The following AKT3 variants were observed in gnomAD, a reference collection of about 807,000 sequenced individuals.
AKT3 encodes the protein AKT serine/threonine kinase 3, also known as RAC-gamma serine/threonine-protein kinase.
A neutral mutation model predicts 65.3 loss-of-function variants in AKT3; 15 were observed. The observed-to-expected ratio is 0.23, with a 90% CI of 0.15 to 0.35. The LOEUF is 0.35. Ranked by LOEUF, AKT3 falls within the 10% of genes least tolerant of loss-of-function variation. AKT3 has a pLI of 1.00. For synonymous variants in AKT3, 206 were observed against 183.8 expected (o/e 1.12, Z -0.98); for missense variants, 243 against 576.5 (o/e 0.42, Z 5.92).
chr1:243,706,472 T>C (rs1243606918), intron 2 of AKT3, among the ~76,000 whole-genome samples: 1 of 152,166 alleles, frequency 6.6e-6, no homozygotes, highest in Non-Finnish European at 1.5e-5. Context: ...TATACTAACA[T>C]CAATGCTCTA....
In AKT3 at chr1:243,698,040, G is replaced by A. The variant is rs916499808; in HGVS notation, c.47-2324C>T. 7.2e-5 allele frequency among the ~76,000 whole-genome samples: 11 copies of A among 152,052 alleles called. No homozygotes were observed. The South Asian group carries it at 1.9e-3, about 26-fold the overall frequency. On this transcript the variant is annotated intron_variant, in intron 2 of 13. Transcript: ENST00000673466. ...AAAAAGACGGCCCTAATATTAATAAGCACATGACTTAATAAGGCAATTTAT... is the reference window on the plus strand; with the variant it reads ...AAAAAGACGGCCCTAATATTAATAAACACATGACTTAATAAGGCAATTTAT...
intron 2 of AKT3, among the ~76,000 whole-genome samples, chr1:243,779,264 A>G (rs955065526): frequency 2.6e-5 from 4 of 152,124 alleles, no homozygotes; most frequent in African/African-American, 9.7e-5. Context: ...ACTTCCAGAA[A>G]CGAGAAGATA....
intron 2 of AKT3, among the ~76,000 whole-genome samples, chr1:243,704,781 C>G (rs1685686979): frequency 6.6e-6 from 1 of 152,076 alleles, no homozygotes; most frequent in African/African-American, 2.4e-5. Flanking sequence ...AATAACACAT[C>G]TTTACGTTTC....
At chr1:243,690,528 C>T (rs6686591) in intron 3 of AKT3, among the ~76,000 whole-genome samples, 118,437 of 151,998 alleles carry the variant, frequency 0.78, 47,100 homozygotes, top group Non-Finnish European at 0.86. Flanking sequence ...TACATTTCTA[C>T]AGCACTACAT....
At chr1:243,655,035 C>A (rs1176877007) in intron 4 of AKT3, among the ~76,000 whole-genome samples, 1 of 152,122 alleles carries the variant, frequency 6.6e-6, no homozygotes, top group African/African-American at 2.4e-5. Context: ...ATTCTCTCCT[C>A]TCCTTCTAAG....
intron 4 of AKT3, among the ~76,000 whole-genome samples, chr1:243,649,028 T>A (rs1429683344): frequency 6.6e-6 from 1 of 152,102 alleles, no homozygotes; most frequent in African/African-American, 2.4e-5. Flanking sequence ...TACAGGTATT[T>A]AAGGCTACAA....
chr1:243,813,108 C>A (rs1423445102), intron 2 of AKT3, among the ~76,000 whole-genome samples: 2 of 151,858 alleles, frequency 1.3e-5, no homozygotes, highest in Non-Finnish European at 2.9e-5. Context: ...AGCACACCAA[C>A]ATGGCACATG....
intron 2 of AKT3, among the ~76,000 whole-genome samples, chr1:243,699,225 C>G (rs566491222): frequency 6.6e-6 from 1 of 151,738 alleles, no homozygotes; most frequent in Admixed American, 6.6e-5. Context: ...TGCATCAAAC[C>G]CAAATTGCAT....
intron 13 of AKT3, among the ~76,000 whole-genome samples, chr1:243,492,846 A>T (rs1272717369): frequency 6.6e-6 from 1 of 152,020 alleles, no homozygotes; most frequent in Admixed American, 6.5e-5. Context: ...ACCTCAGGTG[A>T]TCTGCCCACC....
intron 2 of AKT3, among the ~76,000 whole-genome samples, chr1:243,791,105 A>C (rs12047209): frequency 0.13 from 20,214 of 152,168 alleles, 1,618 homozygotes; most frequent in East Asian, 0.31. Flanking sequence ...CAAATCTTCA[A>C]TTTGTAAGAA....
intron 2 of AKT3, among the ~76,000 whole-genome samples, chr1:243,747,307 T>C (rs1390291739): frequency 6.6e-6 from 1 of 152,210 alleles, no homozygotes; most frequent in African/African-American, 2.4e-5. Context: ...AAGTTTCATT[T>C]TGAAAGTTAT....
chr1:243,739,132 A>T lies in AKT3; in HGVS notation c.47-43416T>A, dbSNP rs528314456. 2.6e-5 allele frequency among the ~76,000 whole-genome samples: 4 copies of T among 152,340 alleles called. No individual in the cohort carries two copies. The South Asian group carries it at 8.3e-4, about 32-fold the overall frequency. ...AGCCTCTGAACTGGAATCTGGCCGG[A>T]GTAGTCCAATAAGACACATAATGTG... On this transcript the variant is annotated intron_variant, in intron 2 of 13. Coordinates refer to ENST00000673466, the MANE Select transcript of AKT3 (RefSeq NM_005465.7).
At chr1:243,676,286 C>A (rs1683504813) in intron 3 of AKT3, among the ~76,000 whole-genome samples, 1 of 152,112 alleles carries the variant, frequency 6.6e-6, no homozygotes, top group African/African-American at 2.4e-5. Context: ...AGACTCACAG[C>A]TGGAGGGATT....
At chr1:243,605,680 T>G (rs962440210) in intron 8 of AKT3, among the ~76,000 whole-genome samples, 5 of 152,240 alleles carry the variant, frequency 3.3e-5, no homozygotes, top group Admixed American at 3.3e-4. Context: ...AGGGCTGATT[T>G]TTCACAGCCA....
chr1:243,618,222 T>G (rs772656713), intron 6 of AKT3, among the ~76,000 whole-genome samples: 1 of 152,058 alleles, frequency 6.6e-6, no homozygotes, highest in Non-Finnish European at 1.5e-5. Flanking sequence ...AGTAAAGACG[T>G]ATGGAGGCAA....
chr1:243,523,764 C>T (rs776336640), intron 12 of AKT3, among the ~76,000 whole-genome samples: 34 of 152,280 alleles, frequency 2.2e-4, no homozygotes, highest in Non-Finnish European at 4.9e-4. Flanking sequence ...AAACACAACC[C>T]GCATCACATG....
At chr1:243,649,131 CTT>C (rs1166238380) in intron 4 of AKT3, among the ~76,000 whole-genome samples, 1 of 151,934 alleles carries the variant, frequency 6.6e-6, no homozygotes, top group Non-Finnish European at 1.5e-5. Flanking sequence ...TCTAATGGCT[CTT>C]GTGAGTTTTT....
chr1:243,574,134 T>C (rs1300429493), intron 8 of AKT3, among the ~76,000 whole-genome samples: 1 of 152,158 alleles, frequency 6.6e-6, no homozygotes, highest in East Asian at 1.9e-4. Flanking sequence ...CATTGACTCA[T>C]AATGTTTCTA....
chr1:243,768,661 T>TC (rs796426143), intron 2 of AKT3, among the ~76,000 whole-genome samples: 30 of 151,966 alleles, frequency 2.0e-4, no homozygotes, highest in African/African-American at 7.2e-4. Context: ...ATGGTGAAAC[T>TC]CCATCTCTAC....
Sources: gnomAD v4.1 joint callset for allele counts (sites outside exome capture counted in the v4.1 genomes callset) on GRCh38, gnomAD v4.1.1 for gene constraint, MANE v1.5 for transcripts, NCBI Gene and HGNC (gene_info 2026-07-23, HGNC 2026-07-21) for gene names.